The following UBR2 variants were observed in gnomAD, a reference collection of about 807,000 sequenced individuals.
UBR2 encodes ubiquitin protein ligase E3 component n-recognin 2.
Under a neutral mutation model 247.9 loss-of-function variants are expected in UBR2, and 92 were observed. That is an observed-to-expected ratio of 0.37 (90% confidence interval 0.31 to 0.44). The LOEUF is 0.44. Among genes scored for constraint, UBR2 ranks in the 20% least tolerant of loss-of-function variants. The pLI is 1.00. For missense variants in UBR2, 1,613 were observed against 2,112.6 expected, an observed-to-expected ratio of 0.76 and a Z score of 4.64; for synonymous variants, 672 against 693.5, an observed-to-expected ratio of 0.97 and a Z score of 0.49.
Position 42,632,811 on chromosome 6 carries a change from G to A in UBR2, c.1452G>A (p.Val484=). ...TCACTTTTATCTTGTTCAGGTATGT[G>A]TTAATTAGCAAACCAACTGAATGGT... The part of the protein sequence containing the change: ...VQSLILDLKY[V]LISKPTEWSD... Residue 484 remains valine, a synonymous_variant, in exon 13 of 47, where the codon GTG becomes GTA. Transcript: ENST00000372901. 6.2e-7 allele frequency: 1 copy of A among 1,601,740 alleles called. No homozygotes were observed. The highest frequency in any genetic ancestry group is 1.1e-5 in the South Asian group (1 of 87,930).
At chr6:42,579,305 T>C (rs887756212) in intron 2 of UBR2, among the ~76,000 whole-genome samples, 1 of 151,980 alleles carries the variant, frequency 6.6e-6, no homozygotes, top group African/African-American at 2.4e-5. Flanking sequence ...ACAAAAACTC[T>C]CTATTGGGAG....
At chr6:42,680,264 G>T (rs1235668604) in intron 42 of UBR2, among the ~76,000 whole-genome samples, 1 of 152,162 alleles carries the variant, frequency 6.6e-6, no homozygotes, top group Non-Finnish European at 1.5e-5. Flanking sequence ...GGGATTACAG[G>T]TGTGAGCCAC....
At chr6:42,650,600 A>G (rs1562359003) in intron 23 of UBR2, among the ~76,000 whole-genome samples, 1 of 151,592 alleles carries the variant, frequency 6.6e-6, no homozygotes, top group African/African-American at 2.4e-5. Flanking sequence ...TCTGGCTTGA[A>G]TTTTTTTTTC....
chr6:42,629,861 T>C (rs1049651673), intron 11 of UBR2, among the ~76,000 whole-genome samples: 1 of 152,178 alleles, frequency 6.6e-6, no homozygotes, highest in African/African-American at 2.4e-5. Context: ...GTGCTTCTTT[T>C]GTTATCTTTT....
intron 23 of UBR2, 71 bp downstream of exon 23, chr6:42,650,457 T>G: frequency 1.5e-6 from 2 of 1,332,060 alleles, no homozygotes; most frequent in Non-Finnish European, 2.1e-6. Context: ...GGTTTCACCA[T>G]GTTGCCCAGG....
chr6:42,624,570 C>T (rs1425313189), intron 11 of UBR2, among the ~76,000 whole-genome samples: 1 of 152,144 alleles, frequency 6.6e-6, no homozygotes, highest in Non-Finnish European at 1.5e-5. Flanking sequence ...GGCCACACAA[C>T]ATGGGAGACA....
At chr6:42,564,564 C>A (rs927734241) in intron 1 of UBR2, among the ~76,000 whole-genome samples, 167 bp downstream of exon 1, 1 of 150,198 alleles carries the variant, frequency 6.7e-6, no homozygotes, top group Non-Finnish European at 1.5e-5. Flanking sequence ...GATCCTGCCC[C>A]TCTCTTTCCA....
intron 26 of UBR2, 109 bp downstream of exon 26, chr6:42,655,832 A>G: frequency 1.6e-6 from 1 of 628,406 alleles, no homozygotes; most frequent in South Asian, 3.1e-5. Context: ...GTAATATTTA[A>G]TCCAAACATT....
chr6:42,653,302 C>G (rs913297650), intron 25 of UBR2, among the ~76,000 whole-genome samples: 1 of 152,120 alleles, frequency 6.6e-6, no homozygotes. Flanking sequence ...AGGCTGGTCT[C>G]AAACTCCCAG....
rs1229621183 is a variant in UBR2, at chr6:42,605,818, C to G, written c.760C>G (p.Gln254Glu). Reference sequence around the variant, plus strand: ...TCTTCAGAAAGCTGTTAACTGTACACAAAAAGAAGCTATTGGTTTTGCAAC... The same window carrying G: ...TCTTCAGAAAGCTGTTAACTGTACAGAAAAAGAAGCTATTGGTTTTGCAAC... ...YTLQKAVNCT[Q>E]KEAIGFATTV... Residue 254 changes from glutamine (Q) to glutamate (E), a missense_variant, in exon 6 of 47, where the codon CAA becomes GAA. By Grantham distance (29) the Gln-to-Glu change is conservative (BLOSUM62 2). Transcript: ENST00000372901. 1.2e-6 allele frequency: 2 copies of G among 1,611,926 alleles called. No homozygotes were observed. Among genetic ancestry groups the G allele is most frequent in the Non-Finnish European group, 1.7e-6 (2 of 1,179,194 alleles).
chr6:42,681,496 C>T (rs1562399107), intron 42 of UBR2, among the ~76,000 whole-genome samples: 1 of 152,200 alleles, frequency 6.6e-6, no homozygotes. Context: ...AAAAAGCATA[C>T]GAAAAGATGC....
intron 1 of UBR2, among the ~76,000 whole-genome samples, chr6:42,566,113 T>G (rs897299007): frequency 2.6e-5 from 4 of 152,056 alleles, no homozygotes; most frequent in Admixed American, 2.6e-4. Context: ...CTGAATTTTG[T>G]GTCTTGGTCC....
chr6:42,588,240 A>T (rs1030279673), intron 2 of UBR2, among the ~76,000 whole-genome samples: 1 of 152,234 alleles, frequency 6.6e-6, no homozygotes, highest in African/African-American at 2.4e-5. Flanking sequence ...GAACAGCCAG[A>T]TGGAAGAGAC....
Position 42,659,632 on chromosome 6 carries a change from A to C in UBR2, c.3243-24A>C, listed in dbSNP as rs1373984974. Reference sequence around the variant, plus strand: ...ATAGAAAGTTTTGGGATCATTAATTATATTCATAACCTTTGTATTGCAGCC... The same window carrying C: ...ATAGAAAGTTTTGGGATCATTAATTCTATTCATAACCTTTGTATTGCAGCC... On this transcript the variant is annotated intron_variant, in intron 29 of 46. Transcript: ENST00000372901. The surrounding 1 kb of genome is among the most constrained non-coding windows in gnomAD (Gnocchi z 4.3). 2.5e-6 allele frequency: 4 copies of C among 1,603,646 alleles called. No individual in the cohort carries two copies. The highest frequency in any genetic ancestry group is 3.4e-6 in the Non-Finnish European group (4 of 1,173,764).
chr6:42,581,224 C>G (rs1791878877), intron 2 of UBR2, among the ~76,000 whole-genome samples: 1 of 149,980 alleles, frequency 6.7e-6, no homozygotes, highest in African/African-American at 2.5e-5. Context: ...GAGTCTCGCT[C>G]TGTCGCCCAG....
chr6:42,617,285 C>T (rs758662839), intron 10 of UBR2, 124 bp from the exon 11 acceptor site: 3 of 1,613,978 alleles, frequency 1.9e-6, no homozygotes, highest in Non-Finnish European at 2.5e-6. Context: ...TGATCACGAG[C>T]GAGCAGTGTC....
intron 2 of UBR2, among the ~76,000 whole-genome samples, chr6:42,574,680 C>A (rs1404595453): frequency 6.9e-6 from 1 of 145,934 alleles, no homozygotes; most frequent in African/African-American, 2.6e-5. Context: ...TCCCATATAT[C>A]ATTTCAGAAA....
chr6:42,632,530 C>G, intron 11 of UBR2, 22 bp from the exon 12 acceptor site: 1 of 1,570,476 alleles, frequency 6.4e-7, no homozygotes, highest in Non-Finnish European at 8.6e-7. Context: ...TTACCATGCA[C>G]TCTGATAAAC....
intron 11 of UBR2, among the ~76,000 whole-genome samples, chr6:42,627,686 ATTT>A (rs1795443436): frequency 6.0e-5 from 9 of 150,870 alleles, no homozygotes; most frequent in Admixed American, 5.9e-4. Context: ...TTTATCTCTT[ATTT>A]TTAGTAGAGA....
Sources: gnomAD v4.1 joint callset for allele counts (sites outside exome capture counted in the v4.1 genomes callset) on GRCh38, gnomAD v4.1.1 for gene constraint, Gnocchi (gnomAD v3.1) non-coding constraint, MANE v1.5 for transcripts, NCBI Gene and HGNC (gene_info 2026-07-23, HGNC 2026-07-21) for gene names.